The following CFAP77 variants were observed in gnomAD, a reference collection of about 807,000 sequenced individuals.
CFAP77 encodes cilia- and flagella-associated protein 77.
In CFAP77, 25 loss-of-function variants were observed where a neutral mutation model predicts 31.1. The observed-to-expected ratio is 0.80, with a 90% CI of 0.59 to 1.12. The LOEUF (loss-of-function observed/expected upper bound fraction) is 1.12, where lower values mean the gene tolerates loss of function less well. Among genes scored for constraint, CFAP77 ranks in the 50% most tolerant of loss-of-function variants. CFAP77 has a pLI of 0.00. For synonymous variants in CFAP77, 151 were observed against 159.9 expected, an observed-to-expected ratio of 0.94 and a Z score of 0.42; for missense variants, 377 against 397.3, an observed-to-expected ratio of 0.95 and a Z score of 0.44.
intron 1 of CFAP77, among the ~76,000 whole-genome samples, chr9:132,411,764 A>G (rs1253695192): frequency 2.0e-5 from 3 of 152,068 alleles, no homozygotes; most frequent in Admixed American, 2.0e-4. Context: ...AGTAGTTAGT[A>G]GTGAGCCAAC....
chr9:132,490,770 C>T lies in CFAP77; in HGVS notation c.196-7925C>T, dbSNP rs1426498235. Among the ~76,000 whole-genome samples, 1 of 152,226 alleles carries T rather than the reference C, an allele frequency of 6.6e-6. No individual in the cohort carries two copies. Among genetic ancestry groups the T allele is most frequent in the African/African-American group, 2.4e-5 (1 of 41,464 alleles). On this transcript the variant is annotated intron_variant, in intron 1 of 5. Coordinates refer to ENST00000393216, the MANE Select transcript of CFAP77 (RefSeq NM_001282957.2). This position sits in a 1 kb window ranked among gnomAD's most constrained non-coding sequence, Gnocchi z 4.6. ...CGCAGTCAAGACAGCTGTCCTGGGT[C>T]CCAGTCACTTTAGTCCTGAACAGCA...
At position 132,498,783 on chromosome 9, in the gene CFAP77, G is replaced by T. The variant is rs747574937; in HGVS notation, c.284G>T (p.Gly95Val). 1.2e-6 allele frequency: 2 copies of T among 1,608,546 alleles called. No homozygotes were observed. The highest frequency in any genetic ancestry group is 2.2e-5 in the South Asian group (2 of 89,978). Reference protein sequence around the residue: ...YGLYIRGLDGGVPEAIGRWNV... With the variant: ...YGLYIRGLDGVVPEAIGRWNV... ...CTCTACATCCGAGGGCTTGACGGAGGAGTCCCTGAAGGTGAGCGAGCAGCT... is the reference window on the plus strand; with the variant it reads ...CTCTACATCCGAGGGCTTGACGGAGTAGTCCCTGAAGGTGAGCGAGCAGCT... The change falls in exon 2 of 6, where the codon GGA (glycine) becomes GTA (valine). Residue 95 changes from glycine (G) to valine (V), a missense_variant. Gly to Val is a moderately radical substitution (Grantham distance 109). Coordinates refer to ENST00000393216, the MANE Select transcript of CFAP77 (RefSeq NM_001282957.2). This position sits in a 1 kb window ranked among gnomAD's most constrained non-coding sequence, Gnocchi z 4.2.
intron 3 of CFAP77, among the ~76,000 whole-genome samples, chr9:132,508,784 C>T (rs984946299): frequency 3.9e-5 from 6 of 152,206 alleles, no homozygotes; most frequent in African/African-American, 1.4e-4. Flanking sequence ...TTAAATACAA[C>T]TCTACCAAGT....
At chr9:132,521,571 G>A (rs1589904223) in intron 3 of CFAP77, among the ~76,000 whole-genome samples, 1 of 152,102 alleles carries the variant, frequency 6.6e-6, no homozygotes, top group East Asian at 1.9e-4. Context: ...GCATGGCAGA[G>A]TGGGCAGAGC....
At chr9:132,526,084 A>G (rs1233458129) in intron 3 of CFAP77, among the ~76,000 whole-genome samples, 1 of 152,218 alleles carries the variant, frequency 6.6e-6, no homozygotes, top group Non-Finnish European at 1.5e-5. Flanking sequence ...AATAAAAAAA[A>G]ATTAAACAAA....
At chr9:132,446,767 GATAAC>G (rs1326249057) in intron 1 of CFAP77, among the ~76,000 whole-genome samples, 3 of 130,312 alleles carry the variant, frequency 2.3e-5, no homozygotes, top group African/African-American at 9.0e-5. Context: ...AAAAAAAAAA[GATAAC>G]ATGTGGCTGG....
At chr9:132,450,155 C>T (rs1850801268) in intron 1 of CFAP77, among the ~76,000 whole-genome samples, 1 of 151,638 alleles carries the variant, frequency 6.6e-6, no homozygotes, top group Admixed American at 6.6e-5. Flanking sequence ...TGGTCCTGAT[C>T]TCCTGACCTT....
At chr9:132,470,495 G>A (rs926470769) in intron 1 of CFAP77, among the ~76,000 whole-genome samples, 4 of 152,192 alleles carry the variant, frequency 2.6e-5, no homozygotes, top group African/African-American at 7.2e-5. Context: ...AGTTGGCCTC[G>A]CATCCCAGTG....
intron 4 of CFAP77, among the ~76,000 whole-genome samples, chr9:132,538,489 T>C (rs1384874231): frequency 6.6e-6 from 1 of 152,204 alleles, no homozygotes; most frequent in Non-Finnish European, 1.5e-5. Flanking sequence ...GTCATACACA[T>C]GTGAAAATAC....
At chr9:132,570,121 T>A (rs1179489720) in intron 5 of CFAP77, among the ~76,000 whole-genome samples, 1 of 152,164 alleles carries the variant, frequency 6.6e-6, no homozygotes, top group Non-Finnish European at 1.5e-5. Flanking sequence ...GTCACAAAGG[T>A]GTCACTAGAA....
intron 1 of CFAP77, among the ~76,000 whole-genome samples, chr9:132,433,299 G>C (rs1850444955): frequency 6.6e-6 from 1 of 152,232 alleles, no homozygotes; most frequent in Non-Finnish European, 1.5e-5. Flanking sequence ...TCTGAGGGCT[G>C]CTGGGTTTCT....
chr9:132,490,880 G>A lies in CFAP77; in HGVS notation c.196-7815G>A, dbSNP rs1482193864. On this transcript the variant is annotated intron_variant, in intron 1 of 5. Transcript: ENST00000393216. This position sits in a 1 kb window ranked among gnomAD's most constrained non-coding sequence, Gnocchi z 4.6. ...CGGCCGGGGCCACTGTCTGCATGGC[G>A]TCTGCGTGTTCTCCCCGTGTCTGTG... 1.3e-5 allele frequency among the ~76,000 whole-genome samples: 2 copies of A among 152,180 alleles called. No individual in the cohort carries two copies. Among genetic ancestry groups the A allele is most frequent in the African/African-American group, 2.4e-5 (1 of 41,446 alleles).
intron 1 of CFAP77, among the ~76,000 whole-genome samples, chr9:132,439,099 C>A (rs1409353166): frequency 1.3e-5 from 2 of 152,108 alleles, no homozygotes; most frequent in Admixed American, 1.3e-4. Flanking sequence ...TGGTCTCAAA[C>A]TCCTGACCTC....
chr9:132,508,206 G>C (rs1032936795), intron 3 of CFAP77, among the ~76,000 whole-genome samples: 3 of 152,110 alleles, frequency 2.0e-5, no homozygotes, highest in African/African-American at 7.2e-5. Context: ...TGTGATCCCC[G>C]CCCCCCGCGC....
At chr9:132,491,065 G>A (rs1340379664) in intron 1 of CFAP77, among the ~76,000 whole-genome samples, 2 of 152,102 alleles carry the variant, frequency 1.3e-5, no homozygotes, top group Non-Finnish European at 2.9e-5. Flanking sequence ...CAGGGTCGGT[G>A]CCTGCCTGGT....
rs34953137 is a variant in CFAP77, at chr9:132,499,029, G to GC, written c.295+241dup. ...GAACTAGCATGGGTATCCCCGCACC[G>GC]CCCCCCTTCCCCGCCGCCGGCAGGG... On this transcript the variant is annotated intron_variant, in intron 2 of 5. Transcript: ENST00000393216. The surrounding 1 kb of genome is among the most constrained non-coding windows in gnomAD (Gnocchi z 5.4). 0.2 allele frequency among the ~76,000 whole-genome samples: 30,784 copies of GC among 152,022 alleles called. 3,220 individuals carry two copies. The highest frequency in any genetic ancestry group is 0.26 in the South Asian group (1,276 of 4,820).
rs1281539306 is a variant in CFAP77, at chr9:132,486,090, A to ATATT, written c.196-12604_196-12603insATTT. ...TGTATATATATATATATATATATAT[A>ATATT]TTTTTTTTTTTTTTTTTTTTGAGAC... On this transcript the variant is annotated intron_variant, in intron 1 of 5. Coordinates refer to ENST00000393216, the MANE Select transcript of CFAP77 (RefSeq NM_001282957.2). 2.0e-4 allele frequency among the ~76,000 whole-genome samples: 3 copies of ATATT among 15,356 alleles called. 1 individual carries two copies. Among genetic ancestry groups the ATATT allele is most frequent in the African/African-American group, 1.3e-3 (3 of 2,314 alleles). 10.1% of individuals were successfully genotyped at this position (15,356 alleles called of 152,430 possible).
chr9:132,535,043 G>A (rs1372393337), intron 3 of CFAP77, among the ~76,000 whole-genome samples: 2 of 152,240 alleles, frequency 1.3e-5, no homozygotes, highest in Non-Finnish European at 2.9e-5. Flanking sequence ...AGAGACCACA[G>A]TCTGGGCACT....
At chr9:132,500,507 T>G (rs959628950) in intron 3 of CFAP77, among the ~76,000 whole-genome samples, 1 of 152,062 alleles carries the variant, frequency 6.6e-6, no homozygotes. Context: ...CTATGAAATT[T>G]TTAAAATTTT....
Sources: allele counts gnomAD v4.1 joint callset (sites outside exome capture counted in the v4.1 genomes callset), GRCh38; gene constraint gnomAD v4.1.1; non-coding constraint Gnocchi (gnomAD v3.1); transcripts MANE v1.5; gene names NCBI Gene and HGNC (gene_info 2026-07-23, HGNC 2026-07-21).